CPNE4: variants seen among roughly 807,000 people sequenced by gnomAD.
CPNE4 encodes the protein copine 4, also known as copine-4.
Under a neutral mutation model 67.9 loss-of-function variants are expected in CPNE4, and 25 were observed. The observed-to-expected ratio is 0.37, with a 90% CI of 0.27 to 0.51. The LOEUF (loss-of-function observed/expected upper bound fraction) is 0.51. Among genes scored for constraint, CPNE4 ranks in the 20% least tolerant of loss-of-function variants. The probability of loss-of-function intolerance (pLI) is 0.93; values close to 1 mark genes in which losing one functional copy is unlikely to be tolerated. For missense variants in CPNE4, 464 were observed against 690.8 expected, an observed-to-expected ratio of 0.67 and a Z score of 3.68; for synonymous variants, 242 against 244.9, an observed-to-expected ratio of 0.99 and a Z score of 0.11.
At chr3:131,739,940 A>G (rs963000829) in intron 2 of CPNE4, among the ~76,000 whole-genome samples, 5 of 152,216 alleles carry the variant, frequency 3.3e-5, no homozygotes, top group African/African-American at 1.2e-4. Flanking sequence ...TCTGTACCAT[A>G]TATGAATGTC....
intron 7 of CPNE4, among the ~76,000 whole-genome samples, chr3:131,605,126 G>A (rs962545701): frequency 1.3e-5 from 2 of 152,148 alleles, no homozygotes; most frequent in Non-Finnish European, 2.9e-5. Flanking sequence ...AAGGGATGAA[G>A]TTAGAATTTA....
In CPNE4 at chr3:131,723,446, C is replaced by G. The variant is rs1373504143; in HGVS notation, c.360G>C (p.Gln120His). Residue 120 changes from glutamine (Q) to histidine (H), a missense_variant and splice_region_variant, in exon 3 of 16, where the codon CAG (glutamine) becomes CAC (histidine). Gln to His is a conservative substitution (Grantham distance 24). Coordinates refer to ENST00000429747, the MANE Select transcript of CPNE4 (RefSeq NM_130808.3). ...FLGGMECTLG[Q>H]IVSQRKLSKS... ...GAGGAAGGGATGTCTGTTGACCCAC[C>G]TGGCCAAGTGTGCACTCCATGCCAC... The G allele has an allele frequency of 1.2e-6, 2 of 1,611,860 alleles. No individual in the cohort carries two copies. The highest frequency in any genetic ancestry group is 1.7e-6 in the Non-Finnish European group (2 of 1,179,596).
intron 9 of CPNE4, among the ~76,000 whole-genome samples, chr3:131,579,045 T>C (rs1486300932): frequency 6.6e-6 from 1 of 152,216 alleles, no homozygotes; most frequent in Non-Finnish European, 1.5e-5. Flanking sequence ...ATCAGGACTT[T>C]CCTGGCTAGA....
chr3:131,941,396 G>A (rs923377650), intron 1 of CPNE4, among the ~76,000 whole-genome samples: 4 of 150,972 alleles, frequency 2.6e-5, no homozygotes, highest in Non-Finnish European at 5.9e-5. Flanking sequence ...CAGCAATAGC[G>A]GGGAAATTTA....
chr3:132,028,944 G>A (rs1243060057), intron 1 of CPNE4, among the ~76,000 whole-genome samples: 1 of 148,902 alleles, frequency 6.7e-6, no homozygotes, highest in Non-Finnish European at 1.5e-5. Flanking sequence ...TTTTTAAAGG[G>A]TGAAGTTTGG....
chr3:131,860,389 G>T (rs923747628), intron 2 of CPNE4, among the ~76,000 whole-genome samples: 3 of 152,120 alleles, frequency 2.0e-5, no homozygotes, highest in Non-Finnish European at 4.4e-5. Flanking sequence ...AACTAATTGA[G>T]CTCATTTTAA....
At chr3:131,809,185 C>T (rs1178913787) in intron 2 of CPNE4, among the ~76,000 whole-genome samples, 1 of 152,002 alleles carries the variant, frequency 6.6e-6, no homozygotes, top group Non-Finnish European at 1.5e-5. Context: ...ATCACTAGTT[C>T]TAAAAAGTAG....
Position 131,880,667 on chromosome 3 carries a change from T to G in CPNE4, c.180+24597A>C, listed in dbSNP as rs139782594. 6.9e-3 allele frequency among the ~76,000 whole-genome samples: 1,047 copies of G among 152,280 alleles called. 11 individuals are homozygous for G. The highest frequency in any genetic ancestry group is 0.024 in the African/African-American group (983 of 41,554). ...GAGATGAGCAGAGACTTGAATGTAT[T>G]CAAAAGAGCTCCTGGGAATTTTACC... On this transcript the variant is annotated intron_variant, in intron 2 of 15. Transcript: ENST00000429747.
upstream of CPNE4, chr3:132,037,567 C>A: frequency 1.3e-6 from 2 of 1,535,918 alleles, no homozygotes; most frequent in Non-Finnish European, 1.7e-6. Flanking sequence ...CTCCTCCCAG[C>A]TCTCCTTTTA....
intron 7 of CPNE4, among the ~76,000 whole-genome samples, chr3:131,662,094 A>G (rs11926568): frequency 0.35 from 52,896 of 151,962 alleles, 9,711 homozygotes; most frequent in African/African-American, 0.45. Flanking sequence ...AGCTTGAAAC[A>G]GAAAGAAAAC....
chr3:131,797,491 T>G (rs1451092560), intron 2 of CPNE4, among the ~76,000 whole-genome samples: 2 of 152,156 alleles, frequency 1.3e-5, no homozygotes, highest in Non-Finnish European at 2.9e-5. Flanking sequence ...TGCACTTACA[T>G]TGTATTGCAA....
At chr3:131,996,750 C>A (rs1258483088) in intron 1 of CPNE4, among the ~76,000 whole-genome samples, 2 of 151,862 alleles carry the variant, frequency 1.3e-5, no homozygotes, top group East Asian at 1.9e-4. Context: ...TAGTTCTGTA[C>A]GGCGTGTTCT....
At chr3:131,840,556 A>T (rs904720924) in intron 2 of CPNE4, among the ~76,000 whole-genome samples, 1 of 152,180 alleles carries the variant, frequency 6.6e-6, no homozygotes, top group Non-Finnish European at 1.5e-5. Context: ...TGCAGTTGCT[A>T]ACTTCAGATG....
intron 13 of CPNE4, among the ~76,000 whole-genome samples, 188 bp from the exon 14 acceptor site, chr3:131,550,268 C>T (rs1210497766): frequency 6.6e-6 from 1 of 152,114 alleles, no homozygotes; most frequent in African/African-American, 2.4e-5. Context: ...AAATCATTCT[C>T]CTCTTTAAAA....
intron 2 of CPNE4, among the ~76,000 whole-genome samples, chr3:131,742,175 T>G (rs2082373427): frequency 6.6e-6 from 1 of 152,156 alleles, no homozygotes; most frequent in Admixed American, 6.5e-5. Flanking sequence ...GTAGACTAAG[T>G]AAAGCCAATT....
chr3:131,969,956 C>T (rs367544111), intron 1 of CPNE4, among the ~76,000 whole-genome samples: 1 of 152,164 alleles, frequency 6.6e-6, no homozygotes, highest in Non-Finnish European at 1.5e-5. Context: ...TTGAATGAGA[C>T]ATGCCTAGCA....
intron 7 of CPNE4, among the ~76,000 whole-genome samples, chr3:131,596,464 T>C (rs1270856373): frequency 7.4e-6 from 1 of 135,238 alleles, no homozygotes; most frequent in Non-Finnish European, 1.6e-5. Flanking sequence ...CTACTAAAAA[T>C]ACAAAAAATT....
intron 2 of CPNE4, among the ~76,000 whole-genome samples, chr3:131,871,171 C>G (rs2087183994): frequency 6.6e-6 from 1 of 152,040 alleles, no homozygotes; most frequent in Non-Finnish European, 1.5e-5. Flanking sequence ...GAACTAGAAA[C>G]AGAAAAACAT....
rs71788145 is a variant in CPNE4, at chr3:131,737,115, C to CTTTTTTTTTT, written c.181-13500_181-13491dup. Among the ~76,000 whole-genome samples, 56 of 49,398 alleles carry CTTTTTTTTTT rather than the reference C, an allele frequency of 1.1e-3. 5 individuals are homozygous for CTTTTTTTTTT. The highest frequency in any genetic ancestry group is 3.1e-3 in the African/African-American group (41 of 13,088). 32.4% of individuals were successfully genotyped at this position (49,398 alleles called of 152,430 possible). ...TGCCTCTTTTTATGAAGTATTGTGTCTTTTTTTTTTTTTTTTTTTTTTTTT... is the reference window on the plus strand; with the variant it reads ...TGCCTCTTTTTATGAAGTATTGTGTCTTTTTTTTTTTTTTTTTTTTTTTTTTTTTTTTTTT... On this transcript the variant is annotated intron_variant, in intron 2 of 15. Coordinates refer to ENST00000429747, the MANE Select transcript of CPNE4 (RefSeq NM_130808.3).
Sources: gnomAD v4.1 joint callset for allele counts (sites outside exome capture counted in the v4.1 genomes callset) on GRCh38, gnomAD v4.1.1 for gene constraint, MANE v1.5 for transcripts, NCBI Gene and HGNC (gene_info 2026-07-23, HGNC 2026-07-21) for gene names.